Variants in CSMD2 observed in about 807,000 individuals in gnomAD.
CSMD2 encodes the protein CUB and sushi domain-containing protein 2.
In CSMD2, 130 loss-of-function variants were observed where a neutral mutation model predicts 398.5. That is an observed-to-expected ratio of 0.33 (90% confidence interval 0.28 to 0.38). The LOEUF is 0.38. Among genes scored for constraint, CSMD2 ranks in the 10% least tolerant of loss-of-function variants. The pLI is 1.00. For synonymous variants in CSMD2, 1,828 were observed against 1,908.5 expected, an observed-to-expected ratio of 0.96 and a Z score of 1.10; for missense variants, 3,829 against 4,764.9, an observed-to-expected ratio of 0.80 and a Z score of 5.78.
chr1:33,857,301 T>C (rs1234831128), intron 5 of CSMD2, among the ~76,000 whole-genome samples: 1 of 152,202 alleles, frequency 6.6e-6, no homozygotes, highest in Non-Finnish European at 1.5e-5. Context: ...AATTCCTCTC[T>C]TCTTGTATTG....
chr1:33,695,523 C>T (rs887383137), intron 24 of CSMD2, among the ~76,000 whole-genome samples: 2 of 152,128 alleles, frequency 1.3e-5, no homozygotes, highest in Non-Finnish European at 2.9e-5. Flanking sequence ...CCTCCTTCCT[C>T]CCCGACATCT....
chr1:33,771,901 C>T (rs535450095), intron 13 of CSMD2, among the ~76,000 whole-genome samples: 290 of 152,320 alleles, frequency 1.9e-3, no homozygotes, highest in Middle Eastern at 3.4e-3. Flanking sequence ...CACACAGCCC[C>T]TCATCCTTGC....
chr1:33,618,354 G>A (rs575807510), intron 37 of CSMD2, among the ~76,000 whole-genome samples: 8 of 152,034 alleles, frequency 5.3e-5, no homozygotes, highest in Non-Finnish European at 1.2e-4. Flanking sequence ...CAGGCAACTC[G>A]TGTTGCTTAA....
intron 3 of CSMD2, among the ~76,000 whole-genome samples, chr1:34,031,512 G>A (rs1037272115): frequency 6.6e-6 from 1 of 152,110 alleles, no homozygotes; most frequent in Admixed American, 6.5e-5. Flanking sequence ...TTTCTCAGGA[G>A]CCTTCTCAGC....
At chr1:34,162,000 C>T (rs531262465) in intron 1 of CSMD2, among the ~76,000 whole-genome samples, 1 of 151,846 alleles carries the variant, frequency 6.6e-6, no homozygotes, top group Non-Finnish European at 1.5e-5. Context: ...GAGAAACCCC[C>T]CTTCTCTATT....
intron 3 of CSMD2, among the ~76,000 whole-genome samples, chr1:33,974,242 G>A (rs1216168549): frequency 1.3e-5 from 2 of 152,206 alleles, no homozygotes; most frequent in Non-Finnish European, 2.9e-5. Context: ...AGGTGTTGGA[G>A]ACTGCTTTAT....
intron 2 of CSMD2, among the ~76,000 whole-genome samples, chr1:34,045,974 G>A (rs976932725): frequency 3.3e-5 from 5 of 152,248 alleles, no homozygotes; most frequent in Non-Finnish European, 5.9e-5. Context: ...AGGTGCCCCA[G>A]GGCATTGCAG....
rs1454925015 is a variant in CSMD2, at chr1:33,518,609, G to C, written c.*53+856C>G. On this transcript the variant is annotated intron_variant, in intron 70 of 70. Coordinates refer to ENST00000373381, the MANE Select transcript of CSMD2 (RefSeq NM_001281956.2). This position sits in a 1 kb window ranked among gnomAD's most constrained non-coding sequence, Gnocchi z 4.3. Reference sequence around the variant, plus strand: ...ATTAACTTTGAAATCAGTAGACTTTGAGTCTCCATAATGTGTGTGGGCCTC... The same window carrying C: ...ATTAACTTTGAAATCAGTAGACTTTCAGTCTCCATAATGTGTGTGGGCCTC... Among the ~76,000 whole-genome samples, 2 of 152,160 alleles carry C rather than the reference G, an allele frequency of 1.3e-5. No individual in the cohort carries two copies. The highest frequency in any genetic ancestry group is 2.9e-5 in the Non-Finnish European group (2 of 68,038).
rs868250482 is a variant in CSMD2, at chr1:34,127,311, A to C, written c.187+37600T>G. ...AGCCAGAGAGGAGTTCAGGGCCCAA[A>C]AAGCTTCTACCTTCTATTTTGAACC... On this transcript the variant is annotated intron_variant, in intron 1 of 70. Transcript: ENST00000373381. Among the ~76,000 whole-genome samples the C allele has an allele frequency of 4.6e-5, 7 of 152,216 alleles. No individual in the cohort carries two copies. In the South Asian group the frequency reaches 6.2e-4, roughly 14 times the overall value.
At chr1:33,886,648 C>T (rs573993539) in intron 5 of CSMD2, among the ~76,000 whole-genome samples, 2 of 152,098 alleles carry the variant, frequency 1.3e-5, no homozygotes, top group African/African-American at 4.8e-5. Context: ...AGTGGGCAGC[C>T]GATGGGAAAT....
chr1:33,845,327 T>C (rs925610040), intron 6 of CSMD2, among the ~76,000 whole-genome samples: 2 of 152,236 alleles, frequency 1.3e-5, no homozygotes, highest in Non-Finnish European at 2.9e-5. Context: ...ATCACTTTAC[T>C]GTGGGGAGTA....
chr1:33,633,426 A>G lies in CSMD2; in HGVS notation c.5196T>C (p.His1732=). ...CACTGGCCGAGCCCCGGATACCTGT[A>G]TGGGAGCCCGAGAGGGAGCTGAGGA... is the stretch of plus-strand genomic sequence containing the variant. ...SRLLSSLSGS[H]TGESLPLATS... The change falls in exon 32 of 71, where the codon CAT becomes CAC. Residue 1732 remains histidine, a synonymous_variant. Transcript: ENST00000373381. The surrounding 1 kb of genome is among the most constrained non-coding windows in gnomAD (Gnocchi z 5.0). The G allele has an allele frequency of 1.3e-6, 2 of 1,550,976 alleles. No homozygotes were observed. The highest frequency in any genetic ancestry group is 1.7e-6 in the Non-Finnish European group (2 of 1,146,672).
intron 9 of CSMD2, among the ~76,000 whole-genome samples, chr1:33,817,199 C>G (rs1039244297): frequency 1.3e-5 from 2 of 152,152 alleles, no homozygotes; most frequent in Admixed American, 1.3e-4. Context: ...TTCAGGGAAG[C>G]CCAGGACATA....
intron 36 of CSMD2, among the ~76,000 whole-genome samples, chr1:33,622,588 G>A (rs1002646599): frequency 9.9e-5 from 15 of 152,116 alleles, no homozygotes; most frequent in Admixed American, 7.9e-4. Flanking sequence ...ATTATTCTCT[G>A]GGCAGTCCTG....
intron 1 of CSMD2, among the ~76,000 whole-genome samples, chr1:34,140,928 C>A (rs1246570070): frequency 6.6e-6 from 1 of 152,094 alleles, no homozygotes; most frequent in Non-Finnish European, 1.5e-5. Flanking sequence ...TCCTCTACAA[C>A]CTGTCCCCCT....
chr1:33,680,786 C>T (rs1644882427), intron 25 of CSMD2, among the ~76,000 whole-genome samples: 1 of 152,144 alleles, frequency 6.6e-6, no homozygotes, highest in East Asian at 1.9e-4. Context: ...CAGACTAGCA[C>T]TGGACTGTGA....
chr1:33,895,682 G>A (rs972660474), intron 5 of CSMD2, among the ~76,000 whole-genome samples: 2 of 152,134 alleles, frequency 1.3e-5, no homozygotes, highest in Admixed American at 1.3e-4. Flanking sequence ...GCAGAAAGGT[G>A]GCAGGCTACA....
intron 44 of CSMD2, among the ~76,000 whole-genome samples, chr1:33,596,913 T>C (rs1478481574): frequency 6.6e-6 from 1 of 152,218 alleles, no homozygotes; most frequent in Non-Finnish European, 1.5e-5. Context: ...TTTCGTTTTA[T>C]TTATCTCTTG....
intron 3 of CSMD2, among the ~76,000 whole-genome samples, chr1:34,002,175 G>C (rs1010307907): frequency 6.6e-6 from 1 of 152,196 alleles, no homozygotes; most frequent in Non-Finnish European, 1.5e-5. Flanking sequence ...TAGATAGCTA[G>C]ATGTCAAGGG....
Sources: gnomAD v4.1 joint callset for allele counts (sites outside exome capture counted in the v4.1 genomes callset) on GRCh38, gnomAD v4.1.1 for gene constraint, Gnocchi (gnomAD v3.1) non-coding constraint, MANE v1.5 for transcripts, NCBI Gene and HGNC (gene_info 2026-07-23, HGNC 2026-07-21) for gene names.